CALCR: variants seen among roughly 807,000 people sequenced by gnomAD.
CALCR encodes the protein calcitonin receptor.
CALCR carries 47 observed loss-of-function variants against 59.5 expected under a neutral mutation model. That is an observed-to-expected ratio of 0.79 (90% CI 0.63 to 1.01). The LOEUF is 1.01. CALCR is among the 50% of genes least tolerant of loss of function. The pLI is 0.00. For missense variants in CALCR, 566 were observed against 597.1 expected (o/e 0.95, Z 0.54); for synonymous variants, 213 against 211.3 (o/e 1.01, Z -0.07).
intron 8 of CALCR, among the ~76,000 whole-genome samples, chr7:93,456,043 A>G (rs188864752): frequency 7.2e-5 from 11 of 152,274 alleles, no homozygotes; most frequent in Admixed American, 6.5e-4. Flanking sequence ...TAAGAGATCT[A>G]ACAAAACTCT....
chr7:93,460,593 G>GTGTATA lies in CALCR; in HGVS notation c.648+227_648+228insTATACA, dbSNP rs1296016997. 4.1e-3 allele frequency among the ~76,000 whole-genome samples: 368 copies of GTGTATA among 89,300 alleles called. 9 individuals are homozygous for GTGTATA. Among genetic ancestry groups the GTGTATA allele is most frequent in the African/African-American group, 0.018 (338 of 18,676 alleles). The allele number at this position is 89,300 out of a possible 152,430, so 58.6% of individuals were successfully genotyped here. A position where few individuals can be genotyped will look rare whatever the true frequency, so the allele number is the denominator to read the frequency against. On this transcript the variant is annotated intron_variant, in intron 8 of 13. Transcript: ENST00000426151. Reference sequence around the variant, plus strand: ...AAAAAATATATATATATATATATATGTATATATATATATATATATGGTTTG... The same window carrying GTGTATA: ...AAAAAATATATATATATATATATATGTGTATATATATATATATATATATATGGTTTG...
intron 3 of CALCR, chr7:93,482,689 T>C: frequency 2.1e-6 from 1 of 485,184 alleles, no homozygotes; most frequent in Non-Finnish European, 4.2e-6. Context: ...TTTAATGCAG[T>C]TTTAACATCA....
chr7:93,431,232 T>C (rs1444289973), intron 13 of CALCR, among the ~76,000 whole-genome samples: 1 of 152,182 alleles, frequency 6.6e-6, no homozygotes, highest in Non-Finnish European at 1.5e-5. Flanking sequence ...CAAAAGATCA[T>C]TTGCTTTCTT....
intron 8 of CALCR, among the ~76,000 whole-genome samples, chr7:93,458,141 T>C (rs1183210392): frequency 6.6e-6 from 1 of 152,188 alleles, no homozygotes; most frequent in African/African-American, 2.4e-5. Flanking sequence ...GACTGGACTT[T>C]GTCTCTGATA....
intron 2 of CALCR, among the ~76,000 whole-genome samples, chr7:93,527,344 C>T (rs1024084880): frequency 2.0e-5 from 3 of 151,258 alleles, no homozygotes; most frequent in Non-Finnish European, 4.4e-5. Flanking sequence ...ATATGTTATT[C>T]ACTGAAAAGC....
intron 2 of CALCR, among the ~76,000 whole-genome samples, chr7:93,503,412 A>G (rs1440235145): frequency 6.6e-6 from 1 of 151,950 alleles, no homozygotes; most frequent in East Asian, 1.9e-4. Flanking sequence ...TTAGAAACAC[A>G]CACACACACA....
intron 2 of CALCR, among the ~76,000 whole-genome samples, chr7:93,518,905 AAC>A (rs1801700479): frequency 6.6e-6 from 1 of 151,942 alleles, no homozygotes; most frequent in African/African-American, 2.4e-5. Flanking sequence ...AAAAAAAAGA[AAC>A]AGTTTAAAGT....
chr7:93,426,295 G>T lies in CALCR; in HGVS notation c.*61C>A. On this transcript the variant is annotated 3_prime_UTR_variant, in exon 14 of 14. Transcript: ENST00000426151. ...TGGGAGGATGGAGAATACTTTAAATGCATGGTCTTTCTCCCAGGAAATGAT... is the reference window on the plus strand; with the variant it reads ...TGGGAGGATGGAGAATACTTTAAATTCATGGTCTTTCTCCCAGGAAATGAT... 1.1e-6 allele frequency: 1 copy of T among 914,062 alleles called. No individual in the cohort carries two copies. Among genetic ancestry groups the T allele is most frequent in the Non-Finnish European group, 1.8e-6 (1 of 547,360 alleles). 56.6% of individuals were successfully genotyped at this position (914,062 alleles called of 1,614,324 possible). A position where few individuals can be genotyped will look rare whatever the true frequency, so the allele number is the denominator to read the frequency against.
chr7:93,473,590 C>CTTTTTTTTTT (rs1195826503), intron 5 of CALCR, among the ~76,000 whole-genome samples: 1 of 123,934 alleles, frequency 8.1e-6, no homozygotes, highest in Non-Finnish European at 1.6e-5. Flanking sequence ...GCCCCCCCCC[C>CTTTTTTTTTT]TTTTTTTTTT....
intron 2 of CALCR, among the ~76,000 whole-genome samples, chr7:93,559,981 A>G (rs1375766106): frequency 1.3e-5 from 2 of 152,150 alleles, no homozygotes; most frequent in East Asian, 3.8e-4. Flanking sequence ...CACAGTGTAT[A>G]TTCAGTATTT....
At chr7:93,500,001 T>C (rs1281754590) in intron 2 of CALCR, among the ~76,000 whole-genome samples, 1 of 151,914 alleles carries the variant, frequency 6.6e-6, no homozygotes, top group Non-Finnish European at 1.5e-5. Context: ...CAACTGATTT[T>C]ATTAAATGAT....
chr7:93,514,104 A>C (rs925332871), intron 2 of CALCR, among the ~76,000 whole-genome samples: 1 of 152,040 alleles, frequency 6.6e-6, no homozygotes. Flanking sequence ...TATACTCTGC[A>C]CAAAGCAAAG....
chr7:93,514,179 A>G (rs149244957), intron 2 of CALCR, among the ~76,000 whole-genome samples: 46 of 152,224 alleles, frequency 3.0e-4, no homozygotes, highest in African/African-American at 1.1e-3. Flanking sequence ...TATAACTCCT[A>G]TGCTCAATTA....
At position 93,563,952 on chromosome 7, in the gene CALCR, C is replaced by T. The variant is rs546357118; in HGVS notation, c.-27+10337G>A. On this transcript the variant is annotated intron_variant, in intron 2 of 13. Transcript: ENST00000426151. Reference sequence around the variant, plus strand: ...CTGCGAAATTTAAATACCTTAAAATCGATAAAAGGCATAGAAAATTACTGG... The same window carrying T: ...CTGCGAAATTTAAATACCTTAAAATTGATAAAAGGCATAGAAAATTACTGG... Among the ~76,000 whole-genome samples, 8 of 152,096 alleles carry T rather than the reference C, an allele frequency of 5.3e-5. No individual in the cohort carries two copies. The East Asian group carries it at 9.6e-4, about 18-fold the overall frequency.
chr7:93,524,576 G>C (rs887985472), intron 2 of CALCR, among the ~76,000 whole-genome samples: 1 of 151,922 alleles, frequency 6.6e-6, no homozygotes, highest in Non-Finnish European at 1.5e-5. Context: ...CTTAATTTCT[G>C]CTTGAGGAGA....
At chr7:93,444,612 A>G (rs914701111) in intron 8 of CALCR, among the ~76,000 whole-genome samples, 2 of 151,872 alleles carry the variant, frequency 1.3e-5, no homozygotes, top group East Asian at 3.9e-4. Flanking sequence ...TCTCCCACAC[A>G]CTCTTGACAA....
chr7:93,540,123 G>A (rs367549487), intron 2 of CALCR, among the ~76,000 whole-genome samples: 7 of 152,128 alleles, frequency 4.6e-5, no homozygotes, highest in African/African-American at 1.7e-4. Flanking sequence ...CGATGACTGC[G>A]AATTAATTTT....
chr7:93,482,467 A>T (rs1800819959), intron 3 of CALCR, among the ~76,000 whole-genome samples: 1 of 151,836 alleles, frequency 6.6e-6, no homozygotes, highest in Non-Finnish European at 1.5e-5. Flanking sequence ...TGTCACTTGT[A>T]TTAGATATGC....
chr7:93,427,993 A>G (rs1019910189), intron 13 of CALCR, among the ~76,000 whole-genome samples: 32 of 152,116 alleles, frequency 2.1e-4, no homozygotes, highest in African/African-American at 6.8e-4. Context: ...TGGAGGCAAC[A>G]CATCCTGAGT....
Sources: allele counts gnomAD v4.1 joint callset (sites outside exome capture counted in the v4.1 genomes callset), GRCh38; gene constraint gnomAD v4.1.1; transcripts MANE v1.5; gene names NCBI Gene and HGNC (gene_info 2026-07-23, HGNC 2026-07-21).